DGKH: variants seen among roughly 807,000 people sequenced by gnomAD.
The protein encoded by DGKH is DAG kinase eta.
Under a neutral mutation model 159.3 loss-of-function variants are expected in DGKH, and 90 were observed. The ratio of observed to expected loss-of-function variants is 0.57; its 90% CI spans 0.48 to 0.67. The LOEUF is 0.67. Ranked by LOEUF, DGKH falls within the 30% of genes least tolerant of loss-of-function variation. DGKH has a pLI of 0.00. For missense variants in DGKH, 1,181 were observed against 1,506.1 expected (o/e 0.78, Z 3.57); for synonymous variants, 536 against 553.8 (o/e 0.97, Z 0.45).
chr13:42,166,723 G>A (rs756386588), intron 9 of DGKH, 49 bp downstream of exon 9: 4 of 1,401,388 alleles, frequency 2.9e-6, no homozygotes, highest in Non-Finnish European at 3.7e-6. Flanking sequence ...AGGACTAGGT[G>A]TTAAATGTGT....
intron 29 of DGKH, among the ~76,000 whole-genome samples, chr13:42,227,810 G>A (rs1174947514): frequency 1.3e-5 from 2 of 152,154 alleles, no homozygotes; most frequent in Non-Finnish European, 1.5e-5. Flanking sequence ...AAGGGTAAAC[G>A]AGAGAAAGAG....
At chr13:42,243,792 T>C (rs561418216), downstream of DGKH, among the ~76,000 whole-genome samples, 4 of 152,162 alleles carry the variant, frequency 2.6e-5, no homozygotes, top group East Asian at 5.8e-4. Context: ...AAGGGAGAGA[T>C]AGAAGGTGGA....
rs950156877 is a variant in DGKH at position 42,086,565 on chromosome 13, T to A, written c.192+37600T>A. ...CAGTTATAATATGTTCTTTTAAAAT[T>A]GATTTTATACAAATGGATTTTTAGA... is the stretch of plus-strand genomic sequence containing the variant. On this transcript the variant is annotated intron_variant, in intron 1 of 29. Coordinates refer to ENST00000337343, the MANE Select transcript of DGKH (RefSeq NM_178009.5). Among the ~76,000 whole-genome samples, 15 of 152,352 alleles carry A rather than the reference T, an allele frequency of 9.8e-5. No individual in the cohort carries two copies. In the East Asian group the frequency reaches 2.5e-3, roughly 25 times the overall value.
chr13:42,248,058 C>G (rs751707044), intron 29 of DGKH, among the ~76,000 whole-genome samples: 16 of 152,260 alleles, frequency 1.1e-4, no homozygotes, highest in Non-Finnish European at 1.8e-4. Flanking sequence ...ATGCCCCAGG[C>G]CTTCACATTC....
chr13:42,042,740 C>T (rs1237535040), intron 1 of DGKH, among the ~76,000 whole-genome samples: 5 of 152,088 alleles, frequency 3.3e-5, no homozygotes, highest in East Asian at 1.9e-4. Context: ...GGTTTACAAT[C>T]AGAAAGTCAC....
chr13:42,225,082 C>T (rs1370090719), intron 29 of DGKH, among the ~76,000 whole-genome samples: 1 of 152,076 alleles, frequency 6.6e-6, no homozygotes. Flanking sequence ...CCGTCACACC[C>T]AACTAATATC....
rs774459436 is a variant in DGKH at position 42,215,637 on chromosome 13, A to G, written c.3183A>G (p.Thr1061=). ...AINVKALYNE[T]ESLLVGRVPL... is the part of the protein sequence containing the mutation. Reference sequence around the variant, plus strand: ...ATGTGAAGGCGCTGTATAATGAAACAGAATCTTTGCTAGTTGGCAGGGTTC... The same window carrying G: ...ATGTGAAGGCGCTGTATAATGAAACGGAATCTTTGCTAGTTGGCAGGGTTC... Residue 1061 remains threonine (T), a synonymous_variant, in exon 26 of 30, where the codon ACA becomes ACG. Transcript: ENST00000337343. The G allele has an allele frequency of 2.5e-6, 4 of 1,611,506 alleles. No homozygotes were observed. In the East Asian group the frequency reaches 8.9e-5, roughly 36 times the overall value.
At chr13:42,087,044 AACACACACACACACAC>A (rs71298957) in intron 1 of DGKH, among the ~76,000 whole-genome samples, 2 of 140,088 alleles carry the variant, frequency 1.4e-5, no homozygotes, top group Non-Finnish European at 3.0e-5. Flanking sequence ...CCAGAAGGAA[AACACACACACACACAC>A]ACACACACAC....
intron 27 of DGKH, 92 bp downstream of exon 27, chr13:42,219,441 A>G (rs553183605): frequency 6.6e-7 from 1 of 1,516,072 alleles, no homozygotes; most frequent in Admixed American, 2.1e-5. Context: ...TTAGGGAAAA[A>G]TGAATTTTGA....
chr13:42,256,136 G>T, intron 30 of DGKH: 1 of 1,173,060 alleles, frequency 8.5e-7, no homozygotes, highest in Non-Finnish European at 1.3e-6. Flanking sequence ...TCAGTGTGAA[G>T]CAATGACCAT....
intron 11 of DGKH, among the ~76,000 whole-genome samples, chr13:42,169,431 A>G (rs1566153464): frequency 6.6e-6 from 1 of 152,166 alleles, no homozygotes; most frequent in Non-Finnish European, 1.5e-5. Context: ...ATGTCCGTGT[A>G]TAAAAAAGAA....
chr13:42,181,232 G>C (rs1326537570), intron 13 of DGKH, among the ~76,000 whole-genome samples: 2 of 138,414 alleles, frequency 1.4e-5, no homozygotes, highest in East Asian at 4.8e-4. Context: ...AGCGGAGATT[G>C]CGCCACTGCA....
rs771383525 is a variant in DGKH at position 42,219,335 on chromosome 13, C to A, written c.3319C>A (p.Pro1107Thr). ...TCCTTGGCTTTATTATATCTTACAC[C>A]CAAATGAGGATGAGGTATGTAAAAT... ...EIPWLYYILH[P>T]NEDEEPPMDC... Residue 1107 changes from proline (P) to threonine (T), a missense_variant, in exon 27 of 30, where the codon CCA becomes ACA. By Grantham distance (38) the Pro-to-Thr change is conservative (BLOSUM62 -1). Around this residue, in one of 5 missense-constraint regions of DGKH, gnomAD observed 335 missense variants for 495.2 expected, o/e 0.68. Coordinates refer to ENST00000337343, the MANE Select transcript of DGKH (RefSeq NM_178009.5). 4 of 1,613,602 alleles carry A rather than the reference C, an allele frequency of 2.5e-6. No homozygotes were observed. The Admixed American group carries it at 6.7e-5, about 27-fold the overall frequency.
At chr13:42,222,015 T>C (rs1230400142) in intron 29 of DGKH, among the ~76,000 whole-genome samples, 1 of 152,218 alleles carries the variant, frequency 6.6e-6, no homozygotes, top group African/African-American at 2.4e-5. Flanking sequence ...TTTGCCTAGC[T>C]TTTGCTAGAA....
At chr13:42,071,081 AT>A in intron 1 of DGKH, 1 of 1,117,088 alleles carries the variant, frequency 9.0e-7, no homozygotes. Context: ...AGACTTTCAA[AT>A]TTCTCTGCCA....
chr13:42,088,197 A>G (rs1182173102), intron 1 of DGKH, among the ~76,000 whole-genome samples: 5 of 152,206 alleles, frequency 3.3e-5, no homozygotes, highest in Admixed American at 3.3e-4. Context: ...TGAAGGCAAA[A>G]TAAATAATTT....
At chr13:42,104,499 G>A (rs775684666) in intron 1 of DGKH, among the ~76,000 whole-genome samples, 1 of 152,206 alleles carries the variant, frequency 6.6e-6, no homozygotes, top group Admixed American at 6.5e-5. Context: ...GCAGTTTTCA[G>A]TGTTGCTTGA....
At chr13:42,067,937 A>G (rs1398096194) in intron 1 of DGKH, among the ~76,000 whole-genome samples, 1 of 152,178 alleles carries the variant, frequency 6.6e-6, no homozygotes, top group Admixed American at 6.5e-5. Flanking sequence ...TATAATAATG[A>G]TGTACCTTAA....
At chr13:42,193,486 G>A (rs1398502065) in intron 16 of DGKH, among the ~76,000 whole-genome samples, 1 of 152,142 alleles carries the variant, frequency 6.6e-6, no homozygotes, top group Non-Finnish European at 1.5e-5. Context: ...ACTACTTTTT[G>A]AGGCACATTT....
Sources: gnomAD v4.1 joint callset for allele counts (sites outside exome capture counted in the v4.1 genomes callset) on GRCh38, gnomAD v4.1.1 for gene constraint, gnomAD v4.1.1 regional missense constraint, MANE v1.5 for transcripts, NCBI Gene and HGNC (gene_info 2026-07-23, HGNC 2026-07-21) for gene names.